The following B3GALT1 variants were observed in gnomAD, a reference collection of about 807,000 sequenced individuals.
B3GALT1 encodes UDP-Gal:betaGlcNAc beta 1,3-galactosyltransferase, polypeptide 1.
In B3GALT1, 10 loss-of-function variants were observed where a neutral mutation model predicts 23.2. The observed-to-expected ratio is 0.43, with a 90% CI of 0.27 to 0.73. The LOEUF (loss-of-function observed/expected upper bound fraction) is 0.73. B3GALT1 is among the 30% of genes least tolerant of loss of function. B3GALT1 has a pLI of 0.21. For synonymous variants in B3GALT1, 156 were observed against 141.5 expected (o/e 1.10, Z -0.73); for missense variants, 299 against 405.4 (o/e 0.74, Z 2.25).
intron 4 of B3GALT1, among the ~76,000 whole-genome samples, chr2:167,832,577 G>A (rs1157032398): frequency 6.6e-6 from 1 of 152,172 alleles, no homozygotes; most frequent in Non-Finnish European, 1.5e-5. Context: ...AATTAAATAT[G>A]AGGACTCACT....
chr2:167,716,229 C>T (rs377012725), intron 3 of B3GALT1, among the ~76,000 whole-genome samples: 15 of 152,214 alleles, frequency 9.9e-5, no homozygotes, highest in East Asian at 3.9e-4. Context: ...GGGCACCCCC[C>T]ACAGGCCTCA....
At chr2:167,790,726 G>A (rs1443333842) in intron 3 of B3GALT1, among the ~76,000 whole-genome samples, 5 of 152,008 alleles carry the variant, frequency 3.3e-5, no homozygotes, top group African/African-American at 9.7e-5. Context: ...GCCATTCATT[G>A]TTTGAAAGCC....
chr2:167,302,670 T>G (rs1696469541), intron 1 of B3GALT1, among the ~76,000 whole-genome samples: 1 of 152,180 alleles, frequency 6.6e-6, no homozygotes, highest in Non-Finnish European at 1.5e-5. Flanking sequence ...TAATTGCATG[T>G]GTTTGTATAT....
chr2:167,817,372 A>G (rs377454565), intron 3 of B3GALT1, among the ~76,000 whole-genome samples: 19 of 152,226 alleles, frequency 1.2e-4, no homozygotes, highest in Admixed American at 3.3e-4. Context: ...ATGACTACCT[A>G]TGCAAGCACC....
At chr2:167,743,368 A>G (rs1237358735) in intron 3 of B3GALT1, among the ~76,000 whole-genome samples, 1 of 152,140 alleles carries the variant, frequency 6.6e-6, no homozygotes, top group Admixed American at 6.5e-5. Flanking sequence ...AGCCTCAAGA[A>G]CAGCAGTATT....
intron 1 of B3GALT1, among the ~76,000 whole-genome samples, chr2:167,410,319 A>G (rs1247277255): frequency 6.6e-6 from 1 of 151,956 alleles, no homozygotes; most frequent in Non-Finnish European, 1.5e-5. Flanking sequence ...GTGAAATCCC[A>G]TCTCTACTAA....
At chr2:167,803,531 A>T (rs1003562514) in intron 3 of B3GALT1, among the ~76,000 whole-genome samples, 3 of 152,092 alleles carry the variant, frequency 2.0e-5, no homozygotes, top group Non-Finnish European at 4.4e-5. Context: ...TGGATTCTGG[A>T]TGATTTAAGG....
intron 2 of B3GALT1, among the ~76,000 whole-genome samples, chr2:167,621,498 T>TC (rs1685257873): frequency 6.6e-6 from 1 of 152,134 alleles, no homozygotes; most frequent in Non-Finnish European, 1.5e-5. Flanking sequence ...AGACTTTTTT[T>TC]CACTTCAAAG....
chr2:167,794,524 A>G (rs700542), intron 3 of B3GALT1, among the ~76,000 whole-genome samples: 22,899 of 152,172 alleles, frequency 0.15, 1,987 homozygotes, highest in East Asian at 0.36. Flanking sequence ...TTTAAGTGAT[A>G]GTTTAGAATC....
At chr2:167,724,988 T>A (rs1041686461) in intron 3 of B3GALT1, among the ~76,000 whole-genome samples, 28 of 152,184 alleles carry the variant, frequency 1.8e-4, no homozygotes, top group African/African-American at 6.5e-4. Flanking sequence ...CCAGTTTTAT[T>A]ATTCAGAAAT....
At chr2:167,777,493 C>G (rs937755043) in intron 3 of B3GALT1, among the ~76,000 whole-genome samples, 4 of 152,082 alleles carry the variant, frequency 2.6e-5, no homozygotes, top group African/African-American at 9.7e-5. Flanking sequence ...ATTACAGGCA[C>G]CCACCACCAC....
intron 1 of B3GALT1, among the ~76,000 whole-genome samples, chr2:167,477,699 A>G (rs956838971): frequency 6.6e-6 from 1 of 152,212 alleles, no homozygotes; most frequent in Non-Finnish European, 1.5e-5. Context: ...CAGAGAAACT[A>G]TTAGACCCAT....
chr2:167,386,272 T>C (rs138669906), intron 1 of B3GALT1, among the ~76,000 whole-genome samples: 1,623 of 152,116 alleles, frequency 0.011, 30 homozygotes, highest in African/African-American at 0.036. Context: ...ATTGCACTGC[T>C]CACTCTTTAT....
chr2:167,367,500 A>G (rs1017738488), intron 1 of B3GALT1, among the ~76,000 whole-genome samples: 5 of 152,196 alleles, frequency 3.3e-5, no homozygotes, highest in South Asian at 2.1e-4. Flanking sequence ...AATCAATTCT[A>G]TTGCATATAG....
chr2:167,585,379 G>A (rs917920488), intron 2 of B3GALT1, among the ~76,000 whole-genome samples: 1 of 152,054 alleles, frequency 6.6e-6, no homozygotes, highest in African/African-American at 2.4e-5. Flanking sequence ...TTAATAATTG[G>A]GCAATCAGTT....
At chr2:167,561,912 T>A (rs535621774) in intron 2 of B3GALT1, among the ~76,000 whole-genome samples, 1 of 152,314 alleles carries the variant, frequency 6.6e-6, no homozygotes, top group South Asian at 2.1e-4. Context: ...TCTGAAACTA[T>A]TCCAGTCAGT....
chr2:167,832,020 G>A (rs1689364334), intron 4 of B3GALT1, among the ~76,000 whole-genome samples: 1 of 152,180 alleles, frequency 6.6e-6, no homozygotes. Flanking sequence ...TATATTGTGT[G>A]TAATGTATAC....
intron 3 of B3GALT1, among the ~76,000 whole-genome samples, chr2:167,754,788 C>A (rs1199628449): frequency 1.3e-5 from 2 of 152,040 alleles, no homozygotes; most frequent in Non-Finnish European, 2.9e-5. Flanking sequence ...AGTAAGCAAC[C>A]CTGCAGTTAC....
chr2:167,392,299 C>T (rs945897742), intron 1 of B3GALT1, among the ~76,000 whole-genome samples: 1 of 151,960 alleles, frequency 6.6e-6, no homozygotes, highest in Non-Finnish European at 1.5e-5. Context: ...AAAGGCCAAC[C>T]CCTACCAAAA....
Sources: gnomAD v4.1 joint callset for allele counts (sites outside exome capture counted in the v4.1 genomes callset) on GRCh38, gnomAD v4.1.1 for gene constraint, MANE v1.5 for transcripts, NCBI Gene and HGNC (gene_info 2026-07-23, HGNC 2026-07-21) for gene names.